Variants in ZNF518A observed in about 807,000 individuals in gnomAD.
ZNF518A encodes zinc finger protein 518.
Under a neutral mutation model 102.7 loss-of-function variants are expected in ZNF518A, and 47 were observed. The ratio of observed to expected loss-of-function variants is 0.46; its 90% CI spans 0.36 to 0.58. The LOEUF (loss-of-function observed/expected upper bound fraction) is 0.58, where lower values mean the gene tolerates loss of function less well. Among genes scored for constraint, ZNF518A ranks in the 20% least tolerant of loss-of-function variants. The probability of loss-of-function intolerance (pLI) is 0.00; values close to 1 mark genes in which losing one functional copy is unlikely to be tolerated. For missense variants in ZNF518A, 1,793 were observed against 1,699.8 expected (o/e 1.05, Z -0.96); for synonymous variants, 652 against 594.6 (o/e 1.10, Z -1.40).
At chr10:96,172,769 G>T (rs1458867864) in intron 1 of ZNF518A, among the ~76,000 whole-genome samples, 1 of 151,810 alleles carries the variant, frequency 6.6e-6, no homozygotes, top group Non-Finnish European at 1.5e-5. Context: ...TAACAAAAAA[G>T]GAATGAAACC....
intron 3 of ZNF518A, among the ~76,000 whole-genome samples, chr10:96,146,044 C>T: frequency 6.6e-6 from 1 of 152,066 alleles, no homozygotes. Context: ...TTTGTTTATC[C>T]ATTTTCTATC....
chr10:96,156,375 A>G lies in ZNF518A; in HGVS notation c.53A>G (p.Lys18Arg), dbSNP rs2082693040. The change falls in exon 6 of 6, where the codon AAA (lysine) becomes AGA (arginine). Residue 18 changes from lysine (K) to arginine (R), a missense_variant. By Grantham distance (26) the Lys-to-Arg change is conservative (BLOSUM62 2). Coordinates refer to ENST00000316045, the MANE Select transcript of ZNF518A (RefSeq NM_001330736.2). ...TGTGATGAAAAACAAACTACTTTAA[A>G]AAAAGATTATGATGTGAAAAATGAG... ...LFCDEKQTTL[K>R]KDYDVKNEIV... 6.3e-7 allele frequency: 1 copy of G among 1,593,282 alleles called. No homozygotes were observed. The highest frequency in any genetic ancestry group is 8.5e-7 in the Non-Finnish European group (1 of 1,174,060).
chr10:96,170,912 TGAATAGCATTTCTCTAAAGAAGATATAC>T (rs1351442014), intron 1 of ZNF518A, among the ~76,000 whole-genome samples: 1 of 151,948 alleles, frequency 6.6e-6, no homozygotes, highest in African/African-American at 2.4e-5. Flanking sequence ...GCAAAAGATC[TGAATAGCATTTCTCTAAAGAAGATATAC>T]AAATGGCCAA....
intron 1 of ZNF518A, among the ~76,000 whole-genome samples, chr10:96,196,042 C>T (rs2083457101): frequency 6.6e-6 from 1 of 152,222 alleles, no homozygotes; most frequent in South Asian, 2.1e-4. Flanking sequence ...GCAATCATGA[C>T]ATTTTCCAAC....
intron 3 of ZNF518A, among the ~76,000 whole-genome samples, chr10:96,149,193 C>T (rs1261637615): frequency 6.6e-6 from 1 of 152,136 alleles, no homozygotes; most frequent in Non-Finnish European, 1.5e-5. Flanking sequence ...TGTTTATTTT[C>T]GGTTTTGGTA....
At chr10:96,173,036 A>C (rs1407580022) in intron 1 of ZNF518A, among the ~76,000 whole-genome samples, 1 of 152,184 alleles carries the variant, frequency 6.6e-6, no homozygotes, top group African/African-American at 2.4e-5. Flanking sequence ...TAAACAATAC[A>C]GTATAACAAC....
At chr10:96,148,557 A>C (rs1262740626) in intron 3 of ZNF518A, among the ~76,000 whole-genome samples, 1 of 78 alleles carries the variant, frequency 0.013, no homozygotes, top group Non-Finnish European at 0.024. Context: ...ACTGTCCAGT[A>C]ATCCTCTGGC....
At chr10:96,176,729 C>G (rs2083206629) in intron 1 of ZNF518A, among the ~76,000 whole-genome samples, 1 of 152,182 alleles carries the variant, frequency 6.6e-6, no homozygotes, top group Non-Finnish European at 1.5e-5. Context: ...AACTCCATCT[C>G]TACTAAAAAT....
chr10:96,196,825 C>A (rs1554894781), intron 1 of ZNF518A: 1 of 1,358,288 alleles, frequency 7.4e-7, no homozygotes, highest in Non-Finnish European at 1.0e-6. Flanking sequence ...CCTTTCTCCT[C>A]ATCTCTAGCA....
intron 1 of ZNF518A, among the ~76,000 whole-genome samples, chr10:96,193,585 G>C (rs2083382422): frequency 6.6e-6 from 1 of 151,996 alleles, no homozygotes; most frequent in Admixed American, 6.6e-5. Flanking sequence ...AAAAGAATTG[G>C]GCATAACATA....
chr10:96,167,079 A>G (rs1166727496), downstream of ZNF518A, among the ~76,000 whole-genome samples: 1 of 152,238 alleles, frequency 6.6e-6, no homozygotes, highest in Non-Finnish European at 1.5e-5. Flanking sequence ...ACAGAAAAGT[A>G]TGTGTCCTAT....
At chr10:96,135,018 C>CT (rs2081528106) in intron 3 of ZNF518A, among the ~76,000 whole-genome samples, 2 of 152,330 alleles carry the variant, frequency 1.3e-5, no homozygotes, top group Non-Finnish European at 2.9e-5. Context: ...GTCCGTCAGT[C>CT]TTACTGTCTT....
intron 1 of ZNF518A, among the ~76,000 whole-genome samples, chr10:96,180,006 G>A (rs148407821): frequency 6.6e-5 from 10 of 151,368 alleles, no homozygotes; most frequent in Non-Finnish European, 1.2e-4. Flanking sequence ...GGCCTCCTGA[G>A]TACCTGGGAT....
chr10:96,135,697 G>A (rs938455309), intron 3 of ZNF518A, among the ~76,000 whole-genome samples: 1 of 152,208 alleles, frequency 6.6e-6, no homozygotes, highest in South Asian at 2.1e-4. Flanking sequence ...TAATAAGCGT[G>A]TGTTGAGAAT....
chr10:96,199,980 A>G, intron 1 of ZNF518A: 1 of 858,016 alleles, frequency 1.2e-6, no homozygotes, highest in South Asian at 3.2e-5. Context: ...GTGAGCTGAG[A>G]TCGAGCCACT....
At chr10:96,181,168 C>T (rs1441534729) in intron 1 of ZNF518A, among the ~76,000 whole-genome samples, 1 of 152,178 alleles carries the variant, frequency 6.6e-6, no homozygotes, top group Non-Finnish European at 1.5e-5. Context: ...TATTCATGTC[C>T]TTCACCCACT....
chr10:96,200,728 A>T lies in ZNF518A; in HGVS notation n.36-2846A>T, dbSNP rs587752434. Among the ~76,000 whole-genome samples, 1 of 152,018 alleles carries T rather than the reference A, an allele frequency of 6.6e-6. No individual in the cohort carries two copies. The highest frequency in any genetic ancestry group is 1.5e-5 in the Non-Finnish European group (1 of 68,006). ...AAATTACAAAGTTTAAATAAAATCT[A>T]TGTGAGAGGAAGAATAATGAAAACA... is the stretch of plus-strand genomic sequence containing the variant. On this transcript the variant is annotated intron_variant and non_coding_transcript_variant, in intron 1 of 2. Transcript: ENST00000442635. This position sits in a 1 kb window ranked among gnomAD's most constrained non-coding sequence, Gnocchi z 4.3.
upstream of ZNF518A, chr10:96,130,174 G>A (rs1370929272): frequency 2.0e-5 from 3 of 152,818 alleles, no homozygotes; most frequent in Admixed American, 6.5e-5. Flanking sequence ...ACTTCTAGAG[G>A]GCCACCCAGC....
intron 1 of ZNF518A, chr10:96,190,121 C>A (rs1345814784): frequency 1.0e-6 from 1 of 1,000,662 alleles, no homozygotes; most frequent in Non-Finnish European, 1.6e-6. Context: ...TCATCATTAT[C>A]CACCTTAAAG....
Sources: allele counts gnomAD v4.1 joint callset (sites outside exome capture counted in the v4.1 genomes callset), GRCh38; gene constraint gnomAD v4.1.1; non-coding constraint Gnocchi (gnomAD v3.1); transcripts MANE v1.5; gene names NCBI Gene and HGNC (gene_info 2026-07-23, HGNC 2026-07-21).